Variants in ARL6 observed in about 807,000 individuals in gnomAD.
ARL6 encodes the protein ARF like GTPase 6.
Under a neutral mutation model 27.1 loss-of-function variants are expected in ARL6, and 18 were observed. The observed-to-expected ratio is 0.66, with a 90% CI of 0.46 to 0.98. ARL6 has a LOEUF of 0.98. Ranked by LOEUF, ARL6 falls within the 50% of genes least tolerant of loss-of-function variation. The probability of loss-of-function intolerance (pLI) is 0.00; values close to 1 mark genes in which losing one functional copy is unlikely to be tolerated. For synonymous variants in ARL6, 65 were observed against 72.3 expected, an observed-to-expected ratio of 0.90 and a Z score of 0.51; for missense variants, 187 against 214.9, an observed-to-expected ratio of 0.87 and a Z score of 0.81.
intron 2 of ARL6, among the ~76,000 whole-genome samples, chr3:97,774,270 C>T (rs1407447543): frequency 6.6e-6 from 1 of 152,154 alleles, no homozygotes; most frequent in Non-Finnish European, 1.5e-5. Context: ...ACACTCTCAA[C>T]CTTACCTCTG....
At chr3:97,765,345 A>C (rs533986334) in intron 1 of ARL6, among the ~76,000 whole-genome samples, 1 of 152,150 alleles carries the variant, frequency 6.6e-6, no homozygotes, top group East Asian at 1.9e-4. Context: ...ATCAACAAAC[A>C]CTTTACAGAG....
chr3:97,791,122 AC>A (rs2037713425), intron 6 of ARL6: 1 of 152,156 alleles, frequency 6.6e-6, no homozygotes, highest in Non-Finnish European at 1.5e-5. Context: ...CAATGGAAGC[AC>A]CCTGTTTTAG....
intron 5 of ARL6, among the ~76,000 whole-genome samples, chr3:97,787,652 T>A (rs1202410511): frequency 6.6e-6 from 1 of 152,192 alleles, no homozygotes; most frequent in East Asian, 1.9e-4. Flanking sequence ...ACTTGAAGTT[T>A]GCCTCCTTTC....
Position 97,799,334 on chromosome 3 carries a change from C to T in ARL6, c.*1285C>T, listed in dbSNP as rs1487371059. On this transcript the variant is annotated 3_prime_UTR_variant, in exon 8 of 8. Coordinates refer to ENST00000463745, the MANE Select transcript of ARL6 (RefSeq NM_001278293.3). ...CAATAAAAGTTCTATATTCCAGTTTCTTATAGTCCAGAAATAGCAGTGATT... is the reference window on the plus strand; with the variant it reads ...CAATAAAAGTTCTATATTCCAGTTTTTTATAGTCCAGAAATAGCAGTGATT... 6.6e-6 allele frequency: 1 copy of T among 151,956 alleles called. No homozygotes were observed. The highest frequency in any genetic ancestry group is 1.5e-5 in the Non-Finnish European group (1 of 67,904). 9.4% of individuals were successfully genotyped at this position (151,956 alleles called of 1,614,324 possible).
intron 2 of ARL6, among the ~76,000 whole-genome samples, chr3:97,779,548 A>G (rs746160653): frequency 2.0e-5 from 3 of 152,178 alleles, no homozygotes; most frequent in African/African-American, 4.8e-5. Flanking sequence ...TCTGGAACAT[A>G]TACAAACTCA....
At chr3:97,785,326 G>T (rs200483494) in intron 5 of ARL6, among the ~76,000 whole-genome samples, 2 of 65,568 alleles carry the variant, frequency 3.1e-5, no homozygotes, top group South Asian at 5.0e-4. Flanking sequence ...TACATAAATT[G>T]TACCAAAGCA....
chr3:97,780,688 G>A lies in ARL6; in HGVS notation c.254+5G>A, dbSNP rs2037149358. The A allele has an allele frequency of 1.3e-6, 2 of 1,599,730 alleles. No homozygotes were observed. Among genetic ancestry groups the A allele is most frequent in the Non-Finnish European group, 1.7e-6 (2 of 1,167,224 alleles). ...TCTCTGGGAACACTATTATAAGTAA[G>A]TACATCTGTGAATGTTGCTTAACTA... On this transcript the variant is annotated splice_donor_5th_base_variant and intron_variant, in intron 4 of 7. Transcript: ENST00000463745.
intron 2 of ARL6, among the ~76,000 whole-genome samples, chr3:97,769,364 C>G (rs1280673304): frequency 6.6e-6 from 1 of 151,912 alleles, no homozygotes; most frequent in Non-Finnish European, 1.5e-5. Flanking sequence ...TCAAAAATTT[C>G]AATCTTTATT....
intron 6 of ARL6, among the ~76,000 whole-genome samples, chr3:97,791,040 A>T (rs2037708619): frequency 1.3e-5 from 2 of 152,134 alleles, no homozygotes; most frequent in Admixed American, 1.3e-4. Context: ...ATTTTAATTT[A>T]TATACTTAAT....
intron 2 of ARL6, among the ~76,000 whole-genome samples, chr3:97,779,783 G>A (rs1286164733): frequency 6.6e-6 from 1 of 151,754 alleles, no homozygotes; most frequent in Non-Finnish European, 1.5e-5. Flanking sequence ...GGAGAATGGT[G>A]TGAAGCCGGG....
chr3:97,788,385 G>C (rs1181851931), intron 6 of ARL6, among the ~76,000 whole-genome samples: 1 of 152,126 alleles, frequency 6.6e-6, no homozygotes, highest in Non-Finnish European at 1.5e-5. Flanking sequence ...ACTGACTTCA[G>C]CTACACTGAT....
At chr3:97,769,906 T>C (rs1426343230) in intron 2 of ARL6, among the ~76,000 whole-genome samples, 1 of 152,186 alleles carries the variant, frequency 6.6e-6, no homozygotes, top group Non-Finnish European at 1.5e-5. Flanking sequence ...ATTGTGTATA[T>C]GTACCAAATT....
At chr3:97,780,540 T>G in intron 3 of ARL6, 75 bp from the exon 4 acceptor site, 2 of 1,244,048 alleles carry the variant, frequency 1.6e-6, no homozygotes, top group Non-Finnish European at 2.3e-6. Flanking sequence ...TTTCTTTGAT[T>G]GTAAATAATT....
intron 2 of ARL6, among the ~76,000 whole-genome samples, chr3:97,772,847 C>T (rs1031682759): frequency 6.6e-5 from 10 of 151,914 alleles, no homozygotes; most frequent in East Asian, 1.9e-4. Flanking sequence ...TCTCAAACTC[C>T]GACCTCTGGT....
chr3:97,769,780 T>C (rs62264179), intron 2 of ARL6, among the ~76,000 whole-genome samples: 33,221 of 152,042 alleles, frequency 0.22, 4,131 homozygotes, highest in Middle Eastern at 0.3. Context: ...AGTGAGAACA[T>C]GTGATACTTG....
At chr3:97,793,255 C>T (rs996943207) in intron 7 of ARL6, 1 of 152,154 alleles carries the variant, frequency 6.6e-6, no homozygotes, top group African/African-American at 2.4e-5. Flanking sequence ...AATCAGGAAC[C>T]TCTAGTGATT....
At chr3:97,795,089 A>G (rs566736194) in intron 7 of ARL6, among the ~76,000 whole-genome samples, 3 of 152,328 alleles carry the variant, frequency 2.0e-5, no homozygotes, top group African/African-American at 7.2e-5. Context: ...AAATTTAAAA[A>G]TAAAGTTTAA....
intron 4 of ARL6, among the ~76,000 whole-genome samples, chr3:97,782,398 G>T (rs1397175676): frequency 6.6e-6 from 1 of 151,730 alleles, no homozygotes; most frequent in Non-Finnish European, 1.5e-5. Flanking sequence ...ATGAATTCTA[G>T]AATAGAGTGG....
intron 2 of ARL6, among the ~76,000 whole-genome samples, chr3:97,771,460 C>G (rs2036632020): frequency 6.6e-6 from 1 of 152,010 alleles, no homozygotes; most frequent in Non-Finnish European, 1.5e-5. Context: ...CATCTGCAAA[C>G]AAGGATAATT....
Sources: gnomAD v4.1 joint callset for allele counts (sites outside exome capture counted in the v4.1 genomes callset) on GRCh38, gnomAD v4.1.1 for gene constraint, MANE v1.5 for transcripts, NCBI Gene and HGNC (gene_info 2026-07-23, HGNC 2026-07-21) for gene names.